Variants in SUCLG2 observed in about 807,000 individuals in gnomAD.
SUCLG2 encodes succinate--CoA ligase [GDP-forming] subunit beta, mitochondrial.
SUCLG2 carries 42 observed loss-of-function variants against 47.9 expected under a neutral mutation model. The ratio of observed to expected loss-of-function variants is 0.88; its 90% CI spans 0.69 to 1.14. The LOEUF (loss-of-function observed/expected upper bound fraction) is 1.14. Ranked by LOEUF, SUCLG2 falls within the 50% of genes most tolerant of loss-of-function variation. The probability of loss-of-function intolerance (pLI) is 0.00; values close to 1 mark genes in which losing one functional copy is unlikely to be tolerated. For synonymous variants in SUCLG2, 195 were observed against 197.3 expected (o/e 0.99, Z 0.10); for missense variants, 571 against 525.9 (o/e 1.09, Z -0.84).
chr3:67,648,237 T>A (rs1348879819), intron 1 of SUCLG2, among the ~76,000 whole-genome samples: 2 of 152,114 alleles, frequency 1.3e-5, no homozygotes, highest in Non-Finnish European at 2.9e-5. Flanking sequence ...TCCGTTGAAT[T>A]TGAACCCAGA....
chr3:67,524,816 A>G (rs568172369), intron 4 of SUCLG2, among the ~76,000 whole-genome samples: 266 of 149,046 alleles, frequency 1.8e-3, no homozygotes, highest in South Asian at 0.013. Context: ...AGCGTATGGT[A>G]GTGAGTCTCC....
chr3:67,365,514 T>TAAGTGTAG (rs1701862376), intron 10 of SUCLG2, among the ~76,000 whole-genome samples: 1 of 152,206 alleles, frequency 6.6e-6, no homozygotes, highest in Non-Finnish European at 1.5e-5. Flanking sequence ...AGATTCAAAT[T>TAAGTGTAG]AAGTGTAGAA....
chr3:67,626,576 G>A (rs1001796200), intron 1 of SUCLG2, among the ~76,000 whole-genome samples: 1 of 152,002 alleles, frequency 6.6e-6, no homozygotes, highest in African/African-American at 2.4e-5. Flanking sequence ...AAGAACTAAC[G>A]CTGAAGGAGA....
intron 10 of SUCLG2, among the ~76,000 whole-genome samples, chr3:67,381,223 T>C (rs1702152204): frequency 8.1e-6 from 1 of 123,510 alleles, no homozygotes; most frequent in African/African-American, 3.1e-5. Context: ...TAAAATAAAA[T>C]AAAAGTAAAA....
intron 9 of SUCLG2, among the ~76,000 whole-genome samples, chr3:67,468,659 C>A (rs73104347): frequency 0.038 from 5,811 of 152,180 alleles, 328 homozygotes; most frequent in East Asian, 0.27. Flanking sequence ...TCTTGTGTGT[C>A]CAGCCCAATT....
chr3:67,439,787 T>G (rs1226629125), intron 9 of SUCLG2, among the ~76,000 whole-genome samples: 1 of 152,110 alleles, frequency 6.6e-6, no homozygotes, highest in Non-Finnish European at 1.5e-5. Flanking sequence ...ATCAATATCG[T>G]CAAAATGGCC....
intron 9 of SUCLG2, among the ~76,000 whole-genome samples, chr3:67,448,293 A>G (rs991731987): frequency 1.3e-5 from 2 of 152,182 alleles, no homozygotes; most frequent in African/African-American, 4.8e-5. Context: ...AAAATCTAAG[A>G]CCTATTAGGT....
intron 9 of SUCLG2, among the ~76,000 whole-genome samples, chr3:67,465,792 G>GC (rs1038049682): frequency 1.2e-4 from 18 of 151,944 alleles, no homozygotes; most frequent in African/African-American, 4.1e-4. Flanking sequence ...TGGGACCCTA[G>GC]CATATTTATT....
At chr3:67,642,031 C>T (rs370855868) in intron 1 of SUCLG2, among the ~76,000 whole-genome samples, 13 of 152,342 alleles carry the variant, frequency 8.5e-5, no homozygotes, top group African/African-American at 2.6e-4. Context: ...CCCTCCCTAA[C>T]GACCTCATTT....
chr3:67,644,701 A>T (rs183804617), intron 1 of SUCLG2, among the ~76,000 whole-genome samples: 61 of 151,960 alleles, frequency 4.0e-4, no homozygotes, highest in African/African-American at 1.2e-3. Context: ...TATAATAAAA[A>T]TTTTAAATTA....
intron 2 of SUCLG2, among the ~76,000 whole-genome samples, chr3:67,571,187 C>T (rs1208720262): frequency 6.6e-6 from 1 of 152,102 alleles, no homozygotes; most frequent in East Asian, 1.9e-4. Context: ...CAGAAGAGAA[C>T]ATTTGGCAAT....
chr3:67,473,156 C>T (rs1042819810), intron 9 of SUCLG2, among the ~76,000 whole-genome samples: 1 of 149,786 alleles, frequency 6.7e-6, no homozygotes, highest in Non-Finnish European at 1.5e-5. Context: ...TATTTCTGAG[C>T]TAAGGAATTA....
chr3:67,400,640 G>A, intron 10 of SUCLG2, 91 bp downstream of exon 10: 1 of 1,541,990 alleles, frequency 6.5e-7, no homozygotes, highest in Non-Finnish European at 8.8e-7. Context: ...GTTTCGTTCT[G>A]TTATCTCAGG....
chr3:67,627,216 A>G (rs11712921), intron 1 of SUCLG2, among the ~76,000 whole-genome samples: 46,371 of 151,868 alleles, frequency 0.31, 7,493 homozygotes, highest in Non-Finnish European at 0.36. Flanking sequence ...AAATCTACTT[A>G]ACTATATTTA....
At chr3:67,592,540 CA>C (rs1214768438) in intron 2 of SUCLG2, among the ~76,000 whole-genome samples, 2 of 151,942 alleles carry the variant, frequency 1.3e-5, no homozygotes, top group African/African-American at 4.8e-5. Flanking sequence ...TTCAAGATTA[CA>C]AAAGTATTCA....
chr3:67,375,217 G>C lies in SUCLG2; in HGVS notation c.*527C>G. On this transcript the variant is annotated 3_prime_UTR_variant, in exon 11 of 11. Coordinates refer to ENST00000307227, the MANE Select transcript of SUCLG2 (RefSeq NM_003848.4). ...AAACATATGTTAGAATTAGAAACCT[G>C]TAAAATCTGCAGTAGTGTGTAATAG... 2.0e-6 allele frequency: 2 copies of C among 985,850 alleles called. No individual in the cohort carries two copies. Among genetic ancestry groups the C allele is most frequent in the Non-Finnish European group, 2.4e-6 (2 of 829,928 alleles). 61.1% of individuals were successfully genotyped at this position (985,850 alleles called of 1,614,324 possible).
intron 1 of SUCLG2, among the ~76,000 whole-genome samples, chr3:67,618,379 A>C (rs1700668885): frequency 6.6e-6 from 1 of 152,172 alleles, no homozygotes. Flanking sequence ...AGATCTCGCC[A>C]TTGCACTCCA....
At chr3:67,491,051 G>C (rs891007875) in intron 9 of SUCLG2, among the ~76,000 whole-genome samples, 8 of 152,130 alleles carry the variant, frequency 5.3e-5, no homozygotes, top group African/African-American at 1.7e-4. Flanking sequence ...GCCGAACACA[G>C]TGGCTACTGC....
chr3:67,595,635 A>G (rs146741890), intron 2 of SUCLG2, among the ~76,000 whole-genome samples: 12 of 152,300 alleles, frequency 7.9e-5, no homozygotes, highest in African/African-American at 2.6e-4. Context: ...CTGTTTCTCT[A>G]TCACTCTGAG....
Sources: gnomAD v4.1 joint callset for allele counts (sites outside exome capture counted in the v4.1 genomes callset) on GRCh38, gnomAD v4.1.1 for gene constraint, MANE v1.5 for transcripts, NCBI Gene and HGNC (gene_info 2026-07-23, HGNC 2026-07-21) for gene names.